ROCK2: variants seen among roughly 807,000 people sequenced by gnomAD.
ROCK2 encodes the protein rho-associated protein kinase 2.
A neutral mutation model predicts 195.1 loss-of-function variants in ROCK2; 61 were observed. The observed-to-expected ratio is 0.31, with a 90% CI of 0.25 to 0.39. ROCK2 has a LOEUF of 0.39. Ranked by LOEUF, ROCK2 falls within the 10% of genes least tolerant of loss-of-function variation. The pLI is 1.00. For synonymous variants in ROCK2, 504 were observed against 545.5 expected (o/e 0.92, Z 1.06); for missense variants, 1,109 against 1,637.4 (o/e 0.68, Z 5.57).
intron 3 of ROCK2, among the ~76,000 whole-genome samples, chr2:11,267,211 T>C (rs532408206): frequency 3.3e-5 from 5 of 152,318 alleles, no homozygotes; most frequent in East Asian, 3.9e-4. Flanking sequence ...TAGGCAATAA[T>C]ACAATTAACC....
intron 32 of ROCK2, among the ~76,000 whole-genome samples, chr2:11,185,864 G>A (rs1663177885): frequency 6.6e-6 from 1 of 152,180 alleles, no homozygotes; most frequent in South Asian, 2.1e-4. Context: ...AGTCTCACCT[G>A]TAATCACTAT....
chr2:11,285,261 TAAAAAAAA>T (rs35144359), intron 3 of ROCK2, among the ~76,000 whole-genome samples: 1 of 117,246 alleles, frequency 8.5e-6, no homozygotes, highest in African/African-American at 3.3e-5. Flanking sequence ...AAACTCTGTC[TAAAAAAAA>T]AAAAAAAAAA....
chr2:11,328,003 T>G (rs542010967), intron 1 of ROCK2, among the ~76,000 whole-genome samples: 90 of 152,006 alleles, frequency 5.9e-4, no homozygotes, highest in African/African-American at 2.1e-3. Flanking sequence ...GGGCAAAGAG[T>G]ATAGAGAACA....
rs767032283 is a variant in ROCK2 at position 11,182,559 on chromosome 2, T to C, written c.*878A>G. The C allele has an allele frequency of 3.3e-5, 5 of 152,356 alleles. No homozygotes were observed. The highest frequency in any genetic ancestry group is 2.1e-4 in the South Asian group (1 of 4,836). The allele number at this position is 152,356 out of a possible 1,614,324, so 9.4% of individuals were successfully genotyped here. On this transcript the variant is annotated 3_prime_UTR_variant, in exon 33 of 33. Coordinates refer to ENST00000315872, the MANE Select transcript of ROCK2 (RefSeq NM_004850.5). Reference sequence around the variant, plus strand: ...ATTTGTTAATCAAAATAGGCTGACATTGATATAACTATTTATGTGTAAAAA... The same window carrying C: ...ATTTGTTAATCAAAATAGGCTGACACTGATATAACTATTTATGTGTAAAAA...
intron 1 of ROCK2, among the ~76,000 whole-genome samples, chr2:11,316,143 T>C (rs963676491): frequency 2.4e-4 from 36 of 152,088 alleles, no homozygotes; most frequent in African/African-American, 7.0e-4. Flanking sequence ...ACTTGAGAAG[T>C]TGGAAAATGG....
chr2:11,206,689 A>G (rs917032564), intron 20 of ROCK2, among the ~76,000 whole-genome samples: 21 of 152,220 alleles, frequency 1.4e-4, no homozygotes, highest in African/African-American at 5.1e-4. Flanking sequence ...AGACAATTAT[A>G]ATGAGGATAC....
chr2:11,334,984 A>C (rs775570998), intron 1 of ROCK2, among the ~76,000 whole-genome samples: 1 of 152,166 alleles, frequency 6.6e-6, no homozygotes, highest in Non-Finnish European at 1.5e-5. Context: ...ATATCTGAAC[A>C]AACAGCCCAT....
intron 18 of ROCK2, among the ~76,000 whole-genome samples, chr2:11,209,571 G>GTA (rs978708427): frequency 2.0e-5 from 3 of 152,060 alleles, no homozygotes; most frequent in African/African-American, 7.2e-5. Flanking sequence ...ACTTTCCTGT[G>GTA]TTTTCTAAAT....
intron 1 of ROCK2, chr2:11,308,081 C>T (rs1667919602): frequency 3.7e-6 from 6 of 1,608,782 alleles, no homozygotes; most frequent in Admixed American, 3.3e-5. Context: ...TTAGGAGAGG[C>T]GCCGACTGCG....
intron 27 of ROCK2, 21 bp from the exon 28 acceptor site, chr2:11,195,046 TG>T (rs1326406519): frequency 7.0e-7 from 1 of 1,432,528 alleles, no homozygotes; most frequent in South Asian, 1.3e-5. Flanking sequence ...GCACAACATG[TG>T]AGGCTAAAGA....
chr2:11,197,476 C>T lies in ROCK2; in HGVS notation c.3279+50G>A, dbSNP rs771160747. Reference sequence around the variant, plus strand: ...GTAAAACACAGACATGAAAATAATTCTACTTCTTAAAAAGAAGTCTTCAGT... The same window carrying T: ...GTAAAACACAGACATGAAAATAATTTTACTTCTTAAAAAGAAGTCTTCAGT... On this transcript the variant is annotated intron_variant, in intron 26 of 32. Transcript: ENST00000315872. This position sits in a 1 kb window ranked among gnomAD's most constrained non-coding sequence, Gnocchi z 4.9. 6 of 1,555,164 alleles carry T rather than the reference C, an allele frequency of 3.9e-6. No individual in the cohort carries two copies. Among genetic ancestry groups the T allele is most frequent in the East Asian group, 2.3e-5 (1 of 44,344 alleles).
intron 1 of ROCK2, among the ~76,000 whole-genome samples, chr2:11,333,115 T>C (rs140212609): frequency 6.6e-6 from 1 of 152,350 alleles, no homozygotes; most frequent in Non-Finnish European, 1.5e-5. Context: ...AAAATCATTA[T>C]ATTGTACACT....
At chr2:11,286,740 T>A (rs1667207167) in intron 2 of ROCK2, 101 bp from the exon 3 acceptor site, 1 of 698,848 alleles carries the variant, frequency 1.4e-6, no homozygotes, top group Non-Finnish European at 2.2e-6. Flanking sequence ...AAGACAGTTT[T>A]TAGCTAAACT....
intron 20 of ROCK2, among the ~76,000 whole-genome samples, chr2:11,207,086 A>C (rs1359556079): frequency 6.6e-6 from 1 of 152,128 alleles, no homozygotes; most frequent in Non-Finnish European, 1.5e-5. Flanking sequence ...TTTACTATAT[A>C]TTTTATCTTT....
intron 1 of ROCK2, among the ~76,000 whole-genome samples, chr2:11,298,909 A>G (rs921371745): frequency 2.6e-5 from 4 of 152,304 alleles, no homozygotes; most frequent in East Asian, 1.9e-4. Context: ...ATATATCACT[A>G]TAGTTATTAT....
At chr2:11,305,521 G>T (rs921804794) in intron 1 of ROCK2, among the ~76,000 whole-genome samples, 1 of 152,004 alleles carries the variant, frequency 6.6e-6, no homozygotes, top group African/African-American at 2.4e-5. Flanking sequence ...CACTGAAAGG[G>T]CCTGGTGTAC....
intron 1 of ROCK2, among the ~76,000 whole-genome samples, chr2:11,290,433 A>AT (rs1324834542): frequency 3.3e-5 from 5 of 152,106 alleles, no homozygotes; most frequent in African/African-American, 1.2e-4. Flanking sequence ...ACCCCATCTC[A>AT]TTTTTTTTAA....
intron 3 of ROCK2, among the ~76,000 whole-genome samples, chr2:11,271,152 T>C (rs1327659097): frequency 6.6e-6 from 1 of 152,236 alleles, no homozygotes; most frequent in Non-Finnish European, 1.5e-5. Context: ...AGTTCCATTA[T>C]GCTCTGGTTA....
intron 1 of ROCK2, among the ~76,000 whole-genome samples, chr2:11,341,128 A>C (rs536204271): frequency 1.6e-4 from 25 of 152,248 alleles, no homozygotes; most frequent in African/African-American, 5.8e-4. Context: ...AGTAATACTA[A>C]GCGGCTCACA....
Sources: gnomAD v4.1 joint callset for allele counts (sites outside exome capture counted in the v4.1 genomes callset) on GRCh38, gnomAD v4.1.1 for gene constraint, Gnocchi (gnomAD v3.1) non-coding constraint, MANE v1.5 for transcripts, NCBI Gene and HGNC (gene_info 2026-07-23, HGNC 2026-07-21) for gene names.